The following CNBD1 variants were observed in gnomAD, a reference collection of about 807,000 sequenced individuals.
The protein encoded by CNBD1 is cyclic nucleotide-binding domain-containing protein 1.
CNBD1 carries 71 observed loss-of-function variants against 54.4 expected under a neutral mutation model. The ratio of observed to expected loss-of-function variants is 1.30; its 90% confidence interval spans 1.08 to 1.59. CNBD1 has a LOEUF of 1.59. CNBD1 is among the 40% of genes most tolerant of loss of function. CNBD1 has a pLI of 0.00. For missense variants in CNBD1, 659 were observed against 518.0 expected, an observed-to-expected ratio of 1.27 and a Z score of -2.64; for synonymous variants, 182 against 170.7, an observed-to-expected ratio of 1.07 and a Z score of -0.51.
chr8:87,205,512 G>A (rs1381884014), intron 4 of CNBD1, among the ~76,000 whole-genome samples: 1 of 151,950 alleles, frequency 6.6e-6, no homozygotes, highest in African/African-American at 2.4e-5. Flanking sequence ...AAGTACATAC[G>A]TATCTTTTCA....
chr8:86,870,571 T>A (rs1183209300), intron 1 of CNBD1, among the ~76,000 whole-genome samples: 1 of 152,194 alleles, frequency 6.6e-6, no homozygotes, highest in African/African-American at 2.4e-5. Context: ...ACTGCAAATC[T>A]GAAAACACTG....
At chr8:87,219,924 C>G (rs1814293286) in intron 5 of CNBD1, among the ~76,000 whole-genome samples, 1 of 151,772 alleles carries the variant, frequency 6.6e-6, no homozygotes, top group South Asian at 2.1e-4. Context: ...ATATATTTTA[C>G]AAGTCTAAAA....
At chr8:86,885,517 G>A (rs1170433284) in intron 1 of CNBD1, among the ~76,000 whole-genome samples, 60 of 152,128 alleles carry the variant, frequency 3.9e-4, no homozygotes, top group Non-Finnish European at 1.5e-5. Flanking sequence ...AACAAGACTG[G>A]AAAACAAATG....
chr8:87,373,852 C>A (rs1810870176), intron 10 of CNBD1, among the ~76,000 whole-genome samples: 1 of 151,546 alleles, frequency 6.6e-6, no homozygotes. Flanking sequence ...TAGATAGAAC[C>A]CAAGTCTATG....
chr8:87,393,261 G>A (rs1422193664), intron 2 of CNBD1, among the ~76,000 whole-genome samples: 1 of 151,796 alleles, frequency 6.6e-6, no homozygotes, highest in Non-Finnish European at 1.5e-5. Flanking sequence ...TACTCTGACT[G>A]GACTCAAGCA....
chr8:87,295,066 G>A (rs1173014268), intron 8 of CNBD1, among the ~76,000 whole-genome samples: 2 of 151,742 alleles, frequency 1.3e-5, no homozygotes, highest in Non-Finnish European at 2.9e-5. Flanking sequence ...GTAATAATTA[G>A]TAATAGAAAT....
At chr8:87,090,364 T>G (rs757400382) in intron 4 of CNBD1, among the ~76,000 whole-genome samples, 1 of 152,178 alleles carries the variant, frequency 6.6e-6, no homozygotes, top group Non-Finnish European at 1.5e-5. Flanking sequence ...TAATGATAGA[T>G]GACTTAATAG....
At chr8:87,076,048 T>G (rs947278501) in intron 4 of CNBD1, among the ~76,000 whole-genome samples, 2 of 152,192 alleles carry the variant, frequency 1.3e-5, no homozygotes, top group East Asian at 3.9e-4. Flanking sequence ...CAGGATACAT[T>G]ACATATGAAG....
intron 8 of CNBD1, among the ~76,000 whole-genome samples, chr8:87,343,787 C>T (rs1233983549): frequency 1.3e-5 from 2 of 151,848 alleles, no homozygotes; most frequent in Non-Finnish European, 2.9e-5. Context: ...AATCATTTAC[C>T]TTTTGATTAC....
Position 87,392,005 on chromosome 8 carries a change from G to A in CNBD1, c.214-36541G>A, listed in dbSNP as rs1014369849. Among the ~76,000 whole-genome samples the A allele has an allele frequency of 8.5e-5, 13 of 152,076 alleles. 2 individuals carry two copies. The highest frequency in any genetic ancestry group is 7.9e-4 in the Admixed American group (12 of 15,246). ...TGTAATTAAAAATTAATGAAGGGCA[G>A]GAATGGGCCTTTCTCTAAAGAAGAA... is the stretch of plus-strand genomic sequence containing the variant. On this transcript the variant is annotated intron_variant, in intron 2 of 7. Coordinates refer to the CNBD1 transcript ENST00000521593.
intron 4 of CNBD1, among the ~76,000 whole-genome samples, chr8:86,984,795 T>C (rs1808568220): frequency 6.6e-6 from 1 of 152,168 alleles, no homozygotes; most frequent in African/African-American, 2.4e-5. Flanking sequence ...TAACTAGATT[T>C]TGATTTTACA....
chr8:86,897,264 G>GA (rs1245660257), intron 2 of CNBD1, among the ~76,000 whole-genome samples: 1 of 151,808 alleles, frequency 6.6e-6, no homozygotes, highest in East Asian at 1.9e-4. Context: ...ATGATGCAAT[G>GA]AAAAAACAAA....
intron 8 of CNBD1, among the ~76,000 whole-genome samples, chr8:87,298,939 C>A (rs1808934137): frequency 2.0e-5 from 3 of 152,144 alleles, no homozygotes; most frequent in Admixed American, 6.5e-5. Flanking sequence ...AGTATATTTG[C>A]TTTATTAATA....
intron 6 of CNBD1, among the ~76,000 whole-genome samples, chr8:87,282,757 G>A (rs1171734583): frequency 6.6e-6 from 1 of 151,754 alleles, no homozygotes; most frequent in Non-Finnish European, 1.5e-5. Context: ...GGCTTATTAG[G>A]TAATTCCAAC....
chr8:87,104,515 T>C (rs1171260498), intron 4 of CNBD1, among the ~76,000 whole-genome samples: 3 of 152,066 alleles, frequency 2.0e-5, no homozygotes, highest in Non-Finnish European at 4.4e-5. Context: ...TATTCAGTGA[T>C]TGAGGTGGAG....
intron 3 of CNBD1, among the ~76,000 whole-genome samples, chr8:86,923,985 C>T (rs1237805569): frequency 6.6e-6 from 1 of 152,096 alleles, no homozygotes; most frequent in Non-Finnish European, 1.5e-5. Context: ...AAAAGCCCAT[C>T]TTTGATTTAA....
At chr8:87,289,746 T>G (rs1370168945) in intron 8 of CNBD1, among the ~76,000 whole-genome samples, 1 of 151,820 alleles carries the variant, frequency 6.6e-6, no homozygotes. Context: ...AAATGTGGAG[T>G]GTTTCAGTCA....
chr8:87,196,794 A>G (rs1195278339), intron 4 of CNBD1, among the ~76,000 whole-genome samples: 1 of 152,182 alleles, frequency 6.6e-6, no homozygotes, highest in Non-Finnish European at 1.5e-5. Flanking sequence ...GACAACCTGA[A>G]ATTATTTTGT....
intron 2 of CNBD1, among the ~76,000 whole-genome samples, chr8:86,890,679 G>C (rs1401070092): frequency 1.3e-5 from 2 of 151,924 alleles, no homozygotes; most frequent in Non-Finnish European, 2.9e-5. Context: ...TTCCATAATG[G>C]CTGTACTATT....
Sources: gnomAD v4.1 joint callset for allele counts (sites outside exome capture counted in the v4.1 genomes callset) on GRCh38, gnomAD v4.1.1 for gene constraint, MANE v1.5 for transcripts, NCBI Gene and HGNC (gene_info 2026-07-23, HGNC 2026-07-21) for gene names.